The following PXDNL variants were observed in gnomAD, a reference collection of about 807,000 sequenced individuals.
PXDNL encodes the protein peroxidasin like, also known as probable oxidoreductase PXDNL.
Under a neutral mutation model 150.8 loss-of-function variants are expected in PXDNL, and 145 were observed. The ratio of observed to expected loss-of-function variants is 0.96; its 90% CI spans 0.84 to 1.10. PXDNL has a LOEUF of 1.10. Ranked by LOEUF, PXDNL falls within the 50% of genes least tolerant of loss-of-function variation. PXDNL has a pLI of 0.00. For missense variants in PXDNL, 2,087 were observed against 1,873.9 expected, an observed-to-expected ratio of 1.11 and a Z score of -2.10; for synonymous variants, 757 against 725.7, an observed-to-expected ratio of 1.04 and a Z score of -0.69.
At chr8:51,592,584 C>G in intron 3 of PXDNL, 43 bp downstream of exon 3, 3 of 1,296,488 alleles carry the variant, frequency 2.3e-6, no homozygotes, top group Non-Finnish European at 3.2e-6. Context: ...CAAAAATAGT[C>G]AAACAACACC....
intron 1 of PXDNL, among the ~76,000 whole-genome samples, chr8:51,745,184 T>C (rs1262204866): frequency 5.3e-5 from 8 of 152,168 alleles, no homozygotes; most frequent in Non-Finnish European, 1.2e-4. Context: ...CAAGTGCCTA[T>C]AAGATAACTT....
chr8:51,553,680 C>G (rs1812540160), intron 4 of PXDNL, among the ~76,000 whole-genome samples: 2 of 149,786 alleles, frequency 1.3e-5, no homozygotes, highest in African/African-American at 2.5e-5. Flanking sequence ...AACAAATGTA[C>G]AAATACACAT....
At chr8:51,584,180 T>A (rs1813270164) in intron 3 of PXDNL, among the ~76,000 whole-genome samples, 1 of 152,192 alleles carries the variant, frequency 6.6e-6, no homozygotes, top group African/African-American at 2.4e-5. Flanking sequence ...AAGATGACAA[T>A]CAGGATGCTT....
chr8:51,586,130 G>C (rs1031769672), intron 3 of PXDNL, among the ~76,000 whole-genome samples: 1 of 152,160 alleles, frequency 6.6e-6, no homozygotes, highest in African/African-American at 2.4e-5. Context: ...TCACATCTTG[G>C]TCATGTGGCT....
chr8:51,457,809 T>C (rs1277086299), intron 8 of PXDNL, 142 bp from the exon 9 acceptor site: 1 of 558,392 alleles, frequency 1.8e-6, no homozygotes, highest in Non-Finnish European at 2.9e-6. Context: ...TAATTTTAAT[T>C]ATTTCACTTT....
rs568178837 is a variant in PXDNL at position 51,608,019 on chromosome 8, A to AAG, written c.237-15323_237-15322dup. Among the ~76,000 whole-genome samples the AAG allele has an allele frequency of 7.7e-4, 58 of 75,474 alleles. 1 individual carries two copies. The highest frequency in any genetic ancestry group is 1.7e-3 in the African/African-American group (24 of 13,864). 49.5% of individuals were successfully genotyped at this position (75,474 alleles called of 152,430 possible). A position where few individuals can be genotyped will look rare whatever the true frequency, so the allele number is the denominator to read the frequency against. On this transcript the variant is annotated intron_variant, in intron 2 of 22. Transcript: ENST00000356297. ...GAAGGAAGGAAGAAAGAAAGAAAGA[A>AAG]AGAAAGAAAGAAAGAAAGAAAGAAA...
At chr8:51,357,171 T>C (rs1806535725) in intron 19 of PXDNL, among the ~76,000 whole-genome samples, 1 of 152,238 alleles carries the variant, frequency 6.6e-6, no homozygotes, top group South Asian at 2.1e-4. Flanking sequence ...AATCAGAATA[T>C]AGTCTCATTA....
chr8:51,414,013 C>G (rs1808723231), intron 14 of PXDNL, among the ~76,000 whole-genome samples: 1 of 151,930 alleles, frequency 6.6e-6, no homozygotes, highest in African/African-American at 2.4e-5. Context: ...CTTTTTGGCA[C>G]TGCTAAATAT....
At chr8:51,778,236 G>A (rs904958961) in intron 1 of PXDNL, among the ~76,000 whole-genome samples, 6 of 151,106 alleles carry the variant, frequency 4.0e-5, no homozygotes, top group East Asian at 2.0e-4. Context: ...CCGAGATCGC[G>A]CCACTTGCAC....
At chr8:51,596,749 GTTAT>G (rs140923062) in intron 2 of PXDNL, among the ~76,000 whole-genome samples, 12,848 of 151,942 alleles carry the variant, frequency 0.085, 617 homozygotes, top group South Asian at 0.11. Context: ...TTTTATTGAG[GTTAT>G]TTGTTTTTTG....
At chr8:51,487,416 G>C (rs1394285941) in intron 5 of PXDNL, among the ~76,000 whole-genome samples, 1 of 151,836 alleles carries the variant, frequency 6.6e-6, no homozygotes, top group African/African-American at 2.4e-5. Context: ...AGAAAACTTC[G>C]TGAAATGGCC....
At chr8:51,736,535 C>A (rs1817042066) in intron 1 of PXDNL, among the ~76,000 whole-genome samples, 1 of 152,210 alleles carries the variant, frequency 6.6e-6, no homozygotes, top group South Asian at 2.1e-4. Flanking sequence ...GAATGCCTGT[C>A]AAACAACTTT....
intron 2 of PXDNL, among the ~76,000 whole-genome samples, chr8:51,631,913 G>C (rs1201404067): frequency 6.6e-6 from 1 of 152,100 alleles, no homozygotes; most frequent in East Asian, 1.9e-4. Flanking sequence ...AAATGCAAAA[G>C]AAGGTAGTAA....
chr8:51,381,203 C>A (rs764069264), intron 17 of PXDNL, among the ~76,000 whole-genome samples: 1 of 152,138 alleles, frequency 6.6e-6, no homozygotes, highest in African/African-American at 2.4e-5. Flanking sequence ...GCCTTTGGAA[C>A]CACCCAAATT....
chr8:51,471,586 A>G (rs1305854720), intron 8 of PXDNL, among the ~76,000 whole-genome samples: 1 of 152,248 alleles, frequency 6.6e-6, no homozygotes, highest in East Asian at 1.9e-4. Flanking sequence ...CTTTAAAACA[A>G]ACTAGTTTGT....
chr8:51,723,558 T>A (rs78708931), intron 1 of PXDNL, among the ~76,000 whole-genome samples: 5,519 of 152,200 alleles, frequency 0.036, 248 homozygotes, highest in Admixed American at 0.14. Context: ...GGAGAGAAGT[T>A]CATCAAGGAG....
intron 14 of PXDNL, among the ~76,000 whole-genome samples, chr8:51,415,454 G>A (rs1244935245): frequency 6.6e-6 from 1 of 152,102 alleles, no homozygotes; most frequent in Non-Finnish European, 1.5e-5. Flanking sequence ...CAAAGGGAGA[G>A]AGGCTACACA....
chr8:51,763,849 C>T (rs1218460637), intron 1 of PXDNL, among the ~76,000 whole-genome samples: 1 of 152,130 alleles, frequency 6.6e-6, no homozygotes, highest in African/African-American at 2.4e-5. Context: ...AATCATATTT[C>T]CTCCTCTTCA....
intron 4 of PXDNL, among the ~76,000 whole-genome samples, chr8:51,536,868 A>T (rs1052559836): frequency 6.6e-6 from 1 of 152,204 alleles, no homozygotes; most frequent in Admixed American, 6.5e-5. Flanking sequence ...AAAGTAAGTT[A>T]AGAAGATGAC....
Sources: allele counts gnomAD v4.1 joint callset (sites outside exome capture counted in the v4.1 genomes callset), GRCh38; gene constraint gnomAD v4.1.1; transcripts MANE v1.5; gene names NCBI Gene and HGNC (gene_info 2026-07-23, HGNC 2026-07-21).